Variants in FRMD4B observed in about 807,000 individuals in gnomAD.
FRMD4B encodes FERM domain containing 4B.
In FRMD4B, 74 loss-of-function variants were observed where a neutral mutation model predicts 141.5. That is an observed-to-expected ratio of 0.52 (90% CI 0.43 to 0.63). FRMD4B has a LOEUF of 0.63. FRMD4B is among the 30% of genes least tolerant of loss of function. The probability of loss-of-function intolerance (pLI) is 0.00; values close to 1 mark genes in which losing one functional copy is unlikely to be tolerated. For missense variants in FRMD4B, 1,366 were observed against 1,253.4 expected, an observed-to-expected ratio of 1.09 and a Z score of -1.36; for synonymous variants, 506 against 467.9, an observed-to-expected ratio of 1.08 and a Z score of -1.05.
At chr3:69,453,372 T>G (rs567904244) in intron 1 of FRMD4B, among the ~76,000 whole-genome samples, 2 of 152,320 alleles carry the variant, frequency 1.3e-5, no homozygotes, top group East Asian at 3.9e-4. Flanking sequence ...ACCTTCAGAC[T>G]CTCAGACTGT....
In FRMD4B at chr3:69,176,509, G is replaced by A. The variant is rs761942521; in HGVS notation, c.2984+15C>T. 3 of 1,603,614 alleles carry A rather than the reference G, an allele frequency of 1.9e-6. No individual in the cohort carries two copies. Among genetic ancestry groups the A allele is most frequent in the South Asian group, 2.2e-5 (2 of 90,586 alleles). On this transcript the variant is annotated intron_variant, in intron 22 of 22. Transcript: ENST00000398540. The stretch of plus-strand genomic sequence containing the variant: ...TGGAACAGGCTCCTAGGATTTTCGA[G>A]CATTGCTTCCTCACCTGCTTGGAGA...
At chr3:69,369,783 T>C (rs1351807921) in intron 1 of FRMD4B, among the ~76,000 whole-genome samples, 6 of 152,192 alleles carry the variant, frequency 3.9e-5, no homozygotes, top group African/African-American at 1.4e-4. Context: ...CTGACCAAAA[T>C]TGTTTCTAAC....
At chr3:69,409,662 G>A (rs1303356153) in intron 2 of FRMD4B, among the ~76,000 whole-genome samples, 1 of 152,186 alleles carries the variant, frequency 6.6e-6, no homozygotes, top group East Asian at 1.9e-4. Context: ...TGGCATGTGA[G>A]GGGACCTGGG....
intron 1 of FRMD4B, among the ~76,000 whole-genome samples, chr3:69,502,691 T>C (rs1176888458): frequency 6.6e-6 from 1 of 151,896 alleles, no homozygotes; most frequent in Admixed American, 6.5e-5. Context: ...TGGGGTCTAA[T>C]TAAACTAAAG....
At chr3:69,404,846 T>A (rs575842295) in intron 2 of FRMD4B, among the ~76,000 whole-genome samples, 2 of 152,268 alleles carry the variant, frequency 1.3e-5, no homozygotes, top group African/African-American at 4.8e-5. Context: ...CTTGTTATAC[T>A]CAGGTATGGT....
chr3:69,435,221 G>A (rs984460992), intron 1 of FRMD4B, among the ~76,000 whole-genome samples: 3 of 152,152 alleles, frequency 2.0e-5, no homozygotes, highest in Admixed American at 6.6e-5. Context: ...ACTAGTTCTG[G>A]TACCGCAGAG....
At chr3:69,237,978 G>A (rs988183166) in intron 7 of FRMD4B, among the ~76,000 whole-genome samples, 5 of 152,146 alleles carry the variant, frequency 3.3e-5, no homozygotes, top group Admixed American at 6.6e-5. Flanking sequence ...GCAATCGGCC[G>A]GCGTTGGCCT....
Position 69,195,155 on chromosome 3 carries a change from C to A in FRMD4B, c.1369-14G>T, listed in dbSNP as rs769542616. 2 of 1,613,828 alleles carry A rather than the reference C, an allele frequency of 1.2e-6. No homozygotes were observed. The highest frequency in any genetic ancestry group is 1.1e-5 in the South Asian group (1 of 91,056). The stretch of plus-strand genomic sequence containing the variant: ...GCCTGTGAGCTCCTGTAAAACAGGA[C>A]AGAATCAAGAGCAGATAATTGACAC... On this transcript the variant is annotated splice_polypyrimidine_tract_variant and intron_variant, in intron 15 of 22. Coordinates refer to ENST00000398540, the MANE Select transcript of FRMD4B (RefSeq NM_015123.3).
At chr3:69,317,067 C>T (rs530763224) in intron 1 of FRMD4B, among the ~76,000 whole-genome samples, 6 of 146,678 alleles carry the variant, frequency 4.1e-5, no homozygotes, top group East Asian at 4.0e-4. Context: ...GCAACAAGAG[C>T]GAAACTCCGC....
chr3:69,476,930 A>G (rs1324965323), intron 1 of FRMD4B, among the ~76,000 whole-genome samples: 1 of 152,076 alleles, frequency 6.6e-6, no homozygotes, highest in African/African-American at 2.4e-5. Flanking sequence ...ATCCCTTGTA[A>G]GTTGGATTCC....
At chr3:69,347,683 C>T (rs957636274) in intron 1 of FRMD4B, among the ~76,000 whole-genome samples, 1 of 152,198 alleles carries the variant, frequency 6.6e-6, no homozygotes, top group Non-Finnish European at 1.5e-5. Flanking sequence ...GAAACTCACT[C>T]AAAACCGCTC....
chr3:69,395,930 A>G (rs1465821598), intron 2 of FRMD4B, among the ~76,000 whole-genome samples: 1 of 152,194 alleles, frequency 6.6e-6, no homozygotes, highest in African/African-American at 2.4e-5. Context: ...TTACTTCTGA[A>G]GGGACTAGCA....
intron 11 of FRMD4B, among the ~76,000 whole-genome samples, chr3:69,215,889 C>T (rs1004239263): frequency 6.6e-6 from 1 of 150,732 alleles, no homozygotes; most frequent in South Asian, 2.1e-4. Context: ...GCTTGTGGCT[C>T]ACGCCTATAA....
intron 5 of FRMD4B, among the ~76,000 whole-genome samples, chr3:69,259,882 C>T (rs2093515066): frequency 6.6e-6 from 1 of 152,172 alleles, no homozygotes; most frequent in African/African-American, 2.4e-5. Flanking sequence ...ACATCAAATT[C>T]ATGTGCTCAA....
intron 1 of FRMD4B, among the ~76,000 whole-genome samples, chr3:69,376,407 TAAGGCCTAGCATATAGA>T (rs1471196640): frequency 6.6e-6 from 1 of 152,016 alleles, no homozygotes; most frequent in African/African-American, 2.4e-5. Flanking sequence ...GTGCCAAGCA[TAAGGCCTAGCATATAGA>T]AAGGCCTAGC....
chr3:69,169,892 A>G lies in FRMD4B; in HGVS notation c.*1969T>C, dbSNP rs2092567335. 6.6e-6 allele frequency: 1 copy of G among 152,226 alleles called. No individual in the cohort carries two copies. Among genetic ancestry groups the G allele is most frequent in the Non-Finnish European group, 1.5e-5 (1 of 68,042 alleles). 9.4% of individuals were successfully genotyped at this position (152,226 alleles called of 1,614,324 possible). A position where few individuals can be genotyped will look rare whatever the true frequency, so the allele number is the denominator to read the frequency against. ...TAGAAGACCTGTTTGCCAGTCTGTG[A>G]AATTAGTATAAATTACTTGCTACAA... is the stretch of plus-strand genomic sequence containing the variant. On this transcript the variant is annotated 3_prime_UTR_variant, in exon 23 of 23. Transcript: ENST00000398540.
chr3:69,251,414 T>A (rs556535081), intron 5 of FRMD4B, among the ~76,000 whole-genome samples: 1 of 152,330 alleles, frequency 6.6e-6, no homozygotes, highest in African/African-American at 2.4e-5. Flanking sequence ...GGATTGTGCT[T>A]TTCTTTCAGG....
intron 1 of FRMD4B, among the ~76,000 whole-genome samples, chr3:69,500,205 G>A (rs1706469751): frequency 6.6e-6 from 1 of 152,238 alleles, no homozygotes; most frequent in Non-Finnish European, 1.5e-5. Flanking sequence ...CTGCTCTGGA[G>A]TTGGCTTCAG....
At chr3:69,204,944 GAT>G (rs576560931) in intron 11 of FRMD4B, among the ~76,000 whole-genome samples, 3 of 151,028 alleles carry the variant, frequency 2.0e-5, no homozygotes, top group Non-Finnish European at 4.4e-5. Flanking sequence ...AATAGGGGCA[GAT>G]ATTGATACTT....
Sources: gnomAD v4.1 joint callset for allele counts (sites outside exome capture counted in the v4.1 genomes callset) on GRCh38, gnomAD v4.1.1 for gene constraint, MANE v1.5 for transcripts, NCBI Gene and HGNC (gene_info 2026-07-23, HGNC 2026-07-21) for gene names.